The following MCM6 variants were observed in gnomAD, a reference collection of about 807,000 sequenced individuals.
The protein encoded by MCM6 is minichromosome maintenance complex component 6, also known as DNA replication licensing factor MCM6.
A neutral mutation model predicts 94.3 loss-of-function variants in MCM6; 46 were observed. That is an observed-to-expected ratio of 0.49 (90% confidence interval 0.39 to 0.62). The LOEUF is 0.62. Among genes scored for constraint, MCM6 ranks in the 20% least tolerant of loss-of-function variants. MCM6 has a pLI of 0.00. For synonymous variants in MCM6, 335 were observed against 351.9 expected, an observed-to-expected ratio of 0.95 and a Z score of 0.54; for missense variants, 865 against 1,017.9, an observed-to-expected ratio of 0.85 and a Z score of 2.04.
rs1364887459 is a variant in MCM6 at position 135,854,541 on chromosome 2, A to AG, written c.1627-1627_1627-1626insC. ...CGAGACTCCATCTCAAAAAAAAAAA[A>AG]AAAAAAAAAAGAGAAAAAGAAAAAG... On this transcript the variant is annotated intron_variant, in intron 11 of 16. Transcript: ENST00000264156. Among the ~76,000 whole-genome samples the AG allele has an allele frequency of 4.3e-5, 4 of 94,046 alleles. 1 individual carries two copies. Among genetic ancestry groups the AG allele is most frequent in the Admixed American group, 1.4e-4 (1 of 7,250 alleles). 61.7% of individuals were successfully genotyped at this position (94,046 alleles called of 152,430 possible).
Position 135,840,709 on chromosome 2 carries a change from C to A in MCM6, c.*126G>T. ...AGGACCATCAACTCAATTCTTGTTTCTGAAAACAAATCCTGGAAGCATCAC... is the reference window on the plus strand; with the variant it reads ...AGGACCATCAACTCAATTCTTGTTTATGAAAACAAATCCTGGAAGCATCAC... On this transcript the variant is annotated 3_prime_UTR_variant, in exon 17 of 17. Coordinates refer to ENST00000264156, the MANE Select transcript of MCM6 (RefSeq NM_005915.6). The A allele has an allele frequency of 1.5e-6, 1 of 657,552 alleles. No individual in the cohort carries two copies. The allele number at this position is 657,552 out of a possible 1,614,324, so 40.7% of individuals were successfully genotyped here.
rs530856427 is a variant in MCM6, at chr2:135,846,281, C to T, written c.2165G>A (p.Arg722Gln). 17 of 1,614,072 alleles carry T rather than the reference C, an allele frequency of 1.1e-5. No homozygotes were observed. In the South Asian group the frequency reaches 1.1e-4, roughly 10 times the overall value. ...SLRLGFSEYCRISNLIVLHLR... is the reference protein window; with the variant it reads ...SLRLGFSEYCQISNLIVLHLR... ...GTGAAGCACAATAAGGTTAGAGATTCGGCAGTACTCAGAGAAGCCCAGCCT... is the reference window on the plus strand; with the variant it reads ...GTGAAGCACAATAAGGTTAGAGATTTGGCAGTACTCAGAGAAGCCCAGCCT... Residue 722 changes from arginine to glutamine, a missense_variant, in exon 15 of 17, where the codon CGA (arginine) becomes CAA (glutamine). By Grantham distance (43) the Arg-to-Gln change is conservative. Around this residue, in one of 3 missense-constraint regions of MCM6, gnomAD observed 308 missense variants for 324.5 expected, o/e 0.95. Coordinates refer to ENST00000264156, the MANE Select transcript of MCM6 (RefSeq NM_005915.6).
At position 135,840,194 on chromosome 2, in the gene MCM6, T is replaced by A. The variant is rs891803819; in HGVS notation, c.*641A>T. ...AAAATAAATTACTAAAGAGTAATTT[T>A]AAAAAAGTATAATAAACTTTTATAA... On this transcript the variant is annotated 3_prime_UTR_variant, in exon 17 of 17. Transcript: ENST00000264156. 1 of 148,254 alleles carries A rather than the reference T, an allele frequency of 6.7e-6. No homozygotes were observed. Among genetic ancestry groups the A allele is most frequent in the Non-Finnish European group, 1.5e-5 (1 of 67,566 alleles). The allele number at this position is 148,254 out of a possible 1,614,324, so 9.2% of individuals were successfully genotyped here.
intron 1 of MCM6, among the ~76,000 whole-genome samples, chr2:135,873,115 T>C (rs111610478): frequency 6.9e-4 from 105 of 152,276 alleles, no homozygotes; most frequent in African/African-American, 2.3e-3. Flanking sequence ...TGTTCTCTGA[T>C]AGTAAGTCTC....
intron 1 of MCM6, 58 bp downstream of exon 1, chr2:135,876,201 T>A (rs191079): frequency 2.1e-6 from 3 of 1,399,884 alleles, no homozygotes; most frequent in South Asian, 2.8e-5. Context: ...CGGCACCGCC[T>A]GGCCCAGACG....
chr2:135,848,025 A>G (rs1461316088), intron 14 of MCM6, 28 bp downstream of exon 14: 3 of 1,580,738 alleles, frequency 1.9e-6, no homozygotes, highest in African/African-American at 2.7e-5. Context: ...CCCTAACTCC[A>G]AAACAGTCAC....
chr2:135,851,609 G>T, intron 12 of MCM6, 46 bp from the exon 13 acceptor site: 1 of 1,503,590 alleles, frequency 6.7e-7, no homozygotes, highest in South Asian at 1.3e-5. Context: ...TCTATTTGAT[G>T]AGAGCTACGG....
chr2:135,841,297 T>C (rs2105568790), intron 16 of MCM6, among the ~76,000 whole-genome samples: 1 of 150,062 alleles, frequency 6.7e-6, no homozygotes, highest in Non-Finnish European at 1.5e-5. Flanking sequence ...TAATTGGAAG[T>C]CTGTTTCATA....
At chr2:135,872,882 G>A (rs1680228479) in intron 1 of MCM6, 39 bp from the exon 2 acceptor site, 1 of 1,607,448 alleles carries the variant, frequency 6.2e-7, no homozygotes, top group Admixed American at 1.7e-5. Context: ...AAGGACACAG[G>A]CAGTACAAAG....
rs1680295695 is a variant in MCM6, at chr2:135,876,263, C to T, written c.103G>A (p.Glu35Lys). 1 of 1,604,176 alleles carries T rather than the reference C, an allele frequency of 6.2e-7. No homozygotes were observed. Among genetic ancestry groups the T allele is most frequent in the Non-Finnish European group, 8.5e-7 (1 of 1,177,390 alleles). Residue 35 changes from glutamate to lysine, a missense_variant, in exon 1 of 17, where the codon GAG becomes AAG. This residue lies in a region of MCM6 where 404 missense variants were observed against 451.9 expected (regional missense o/e 0.89). Coordinates refer to ENST00000264156, the MANE Select transcript of MCM6 (RefSeq NM_005915.6). Reference sequence around the variant, plus strand: ...CCGGGGCGCTCGCCGACTTACTCCTCCAAGAAGTCCAGGAACAGTTTCTGG... The same window carrying T: ...CCGGGGCGCTCGCCGACTTACTCCTTCAAGAAGTCCAGGAACAGTTTCTGG... ...KCQKLFLDFLEEFQSSDGEIK... is the reference protein window; with the variant it reads ...KCQKLFLDFLKEFQSSDGEIK...
In MCM6 at chr2:135,859,349, T is replaced by C; in HGVS notation, c.1314A>G (p.Glu438=). The C allele has an allele frequency of 3.7e-6, 6 of 1,613,042 alleles. No homozygotes were observed. Among genetic ancestry groups the C allele is most frequent in the Non-Finnish European group, 5.1e-6 (6 of 1,179,012 alleles). The part of the protein sequence containing the change: ...GLTAAVVRDE[E]SHEFVIEAGA... ...CAGCCTCAATGACAAACTCATGAGA[T>C]TCTTCATCTCTCACAACAGCTGCTG... is the stretch of plus-strand genomic sequence containing the variant. Residue 438 remains glutamate, a synonymous_variant, in exon 9 of 17, where the codon GAA becomes GAG. Coordinates refer to ENST00000264156, the MANE Select transcript of MCM6 (RefSeq NM_005915.6).
chr2:135,854,424 G>T (rs1010532567), intron 11 of MCM6, among the ~76,000 whole-genome samples: 1 of 151,338 alleles, frequency 6.6e-6, no homozygotes, highest in Admixed American at 6.6e-5. Flanking sequence ...CAGCTACTCA[G>T]GAGGCTGAGG....
chr2:135,849,753 C>CA (rs780042331), intron 13 of MCM6, among the ~76,000 whole-genome samples: 2 of 151,922 alleles, frequency 1.3e-5, no homozygotes, highest in Non-Finnish European at 2.9e-5. Context: ...AAACCAGTGT[C>CA]AAAAAGATGG....
intron 1 of MCM6, among the ~76,000 whole-genome samples, chr2:135,874,718 T>C (rs1052441589): frequency 6.6e-6 from 1 of 152,068 alleles, no homozygotes; most frequent in African/African-American, 2.4e-5. Context: ...AAATTAGGGA[T>C]GCAATTGGTT....
intron 8 of MCM6, among the ~76,000 whole-genome samples, chr2:135,860,281 C>T (rs570862377): frequency 4.5e-4 from 69 of 151,690 alleles, no homozygotes; most frequent in Non-Finnish European, 8.1e-4. Flanking sequence ...TACAGGCGCT[C>T]GCCACCACAC....
chr2:135,860,129 T>A (rs1021005804), intron 8 of MCM6, among the ~76,000 whole-genome samples: 18 of 149,926 alleles, frequency 1.2e-4, no homozygotes, highest in Non-Finnish European at 4.4e-5. Flanking sequence ...ATTTATTTTT[T>A]AATTTAATTA....
chr2:135,844,829 G>T, intron 15 of MCM6, 145 bp from the exon 16 acceptor site: 1 of 714,302 alleles, frequency 1.4e-6, no homozygotes, highest in Non-Finnish European at 2.1e-6. Context: ...CGTAAGGTCC[G>T]CAATGTTCTA....
intron 16 of MCM6, among the ~76,000 whole-genome samples, chr2:135,843,527 G>A (rs1167648491): frequency 1.3e-5 from 2 of 151,778 alleles, no homozygotes; most frequent in Non-Finnish European, 2.9e-5. Context: ...GAGGTTAGGA[G>A]TTCTAGATCA....
At chr2:135,846,113 G>A (rs1679665369) in intron 15 of MCM6, 124 bp downstream of exon 15, 1 of 925,360 alleles carries the variant, frequency 1.1e-6, no homozygotes, top group African/African-American at 1.6e-5. Context: ...GCTAAAGTGA[G>A]TTTATCTAAC....
Sources: allele counts gnomAD v4.1 joint callset (sites outside exome capture counted in the v4.1 genomes callset), GRCh38; gene constraint gnomAD v4.1.1; regional missense constraint gnomAD v4.1.1; transcripts MANE v1.5; gene names NCBI Gene and HGNC (gene_info 2026-07-23, HGNC 2026-07-21).